Variants in PTPRB observed in about 807,000 individuals in gnomAD.
PTPRB encodes the protein receptor-type tyrosine-protein phosphatase beta.
PTPRB carries 97 observed loss-of-function variants against 238.1 expected under a neutral mutation model. The ratio of observed to expected loss-of-function variants is 0.41; its 90% confidence interval spans 0.35 to 0.48. PTPRB has a LOEUF of 0.48. Ranked by LOEUF, PTPRB falls within the 20% of genes least tolerant of loss-of-function variation. PTPRB has a pLI of 0.30. For missense variants in PTPRB, 2,292 were observed against 2,681.9 expected (o/e 0.85, Z 3.21); for synonymous variants, 970 against 995.4 (o/e 0.97, Z 0.48).
In PTPRB at chr12:70,558,779, T is replaced by A. The variant is rs534154874; in HGVS notation, c.4714+564A>T. On this transcript the variant is annotated intron_variant, in intron 18 of 33. Coordinates refer to ENST00000334414, the MANE Select transcript of PTPRB (RefSeq NM_001109754.4). ...GGCTCCAGTTGGTTCAAAATAAAGTTCAAAGTAGTTACCATGGAATACAAA... is the reference window on the plus strand; with the variant it reads ...GGCTCCAGTTGGTTCAAAATAAAGTACAAAGTAGTTACCATGGAATACAAA... 119 of 158,750 alleles carry A rather than the reference T, an allele frequency of 7.5e-4. 2 individuals carry two copies. In the South Asian group the frequency reaches 0.021, roughly 27 times the overall value. 9.8% of individuals were successfully genotyped at this position (158,750 alleles called of 1,614,324 possible). A position where few individuals can be genotyped will look rare whatever the true frequency, so the allele number is the denominator to read the frequency against.
In PTPRB at chr12:70,609,301, C is replaced by T; in HGVS notation, c.747G>A (p.Leu249=). 6.2e-7 allele frequency: 1 copy of T among 1,614,006 alleles called. No individual in the cohort carries two copies. Among genetic ancestry groups the T allele is most frequent in the South Asian group, 1.1e-5 (1 of 91,082 alleles). ...AATGGCTGGAGGCCTTGGACTCCGC[C>T]AGGGTGAAGTTACATCTCTCTGGCT... ...LAEPERCNFT[L]AESKASSHSV... is the part of the protein sequence containing the mutation. The change falls in exon 4 of 34, where the codon CTG becomes CTA. Residue 249 remains leucine (L), a synonymous_variant. Coordinates refer to ENST00000334414, the MANE Select transcript of PTPRB (RefSeq NM_001109754.4).
At chr12:70,539,163 C>A in intron 26 of PTPRB, 149 bp from the exon 27 acceptor site, 3 of 664,918 alleles carry the variant, frequency 4.5e-6, no homozygotes, top group Non-Finnish European at 7.9e-6. Context: ...TAGCCCTGAT[C>A]CCCACAACAG....
chr12:70,613,931 G>GA (rs1282156807), intron 3 of PTPRB, among the ~76,000 whole-genome samples: 1 of 151,838 alleles, frequency 6.6e-6, no homozygotes, highest in Admixed American at 6.6e-5. Context: ...AAAGAGAAGA[G>GA]AAAAAAGAGG....
intron 9 of PTPRB, chr12:70,584,853 T>A (rs1180523968): frequency 6.6e-6 from 1 of 151,724 alleles, no homozygotes; most frequent in Non-Finnish European, 1.5e-5. Context: ...GGTAGGTAAA[T>A]CTAAACAGAT....
chr12:70,522,870 T>TA (rs1372021206), intron 33 of PTPRB, among the ~76,000 whole-genome samples: 1 of 146,742 alleles, frequency 6.8e-6, no homozygotes, highest in Non-Finnish European at 1.5e-5. Context: ...TTTCTTTTTT[T>TA]TTTTTTTTTT....
chr12:70,576,549 T>C lies in PTPRB; in HGVS notation c.2675A>G (p.Tyr892Cys). Residue 892 changes from tyrosine (Y) to cysteine (C), a missense_variant, in exon 11 of 34, where the codon TAT (tyrosine) becomes TGT (cysteine). Physicochemically the swap from Tyr to Cys is radical, Grantham distance 194 (BLOSUM62 -2). Coordinates refer to ENST00000334414, the MANE Select transcript of PTPRB (RefSeq NM_001109754.4). ...GCCGTCATGAGACAATGTTACCTCA[T>C]AGTTATCCACATCTCCGGGCGCCAG... is the stretch of plus-strand genomic sequence containing the variant. Reference protein sequence around the residue: ...WLLAPGDVDNYEVTLSHDGKV... With the variant: ...WLLAPGDVDNCEVTLSHDGKV... 6.4e-7 allele frequency: 1 copy of C among 1,556,684 alleles called. No individual in the cohort carries two copies.
At chr12:70,599,893 C>T (rs1401060194) in intron 4 of PTPRB, among the ~76,000 whole-genome samples, 1 of 151,498 alleles carries the variant, frequency 6.6e-6, no homozygotes, top group Non-Finnish European at 1.5e-5. Flanking sequence ...TTGCTTGGGT[C>T]CAGGTATTGG....
chr12:70,538,831 A>G, intron 27 of PTPRB, 93 bp downstream of exon 27: 4 of 984,344 alleles, frequency 4.1e-6, no homozygotes, highest in Non-Finnish European at 6.3e-6. Flanking sequence ...ATATCGAGCT[A>G]TATTATATTT....
At position 70,571,990 on chromosome 12, in the gene PTPRB, A is replaced by T; in HGVS notation, c.2940T>A (p.Tyr980Ter). Reference protein sequence around the residue: ...WVHATGDFDHYEVTIKNKNNF... With the variant: ...WVHATGDFDH ...TGTTTTTGTTTTTAATGGTGACTTC[A>T]TAGTGATCAAAGTCTCCAGTGGCAT... Residue 980 changes from tyrosine to a stop codon, truncating the protein, a stop_gained, in exon 12 of 34, where the codon TAT becomes TAA. Transcript: ENST00000334414. LOFTEE classifies it high-confidence loss of function. 1 of 1,613,970 alleles carries T rather than the reference A, an allele frequency of 6.2e-7. No individual in the cohort carries two copies. Among genetic ancestry groups the T allele is most frequent in the Non-Finnish European group, 8.5e-7 (1 of 1,179,848 alleles).
At chr12:70,537,930 C>T (rs1291412974) in intron 28 of PTPRB, 7 of 450,902 alleles carry the variant, frequency 1.6e-5, no homozygotes, top group Non-Finnish European at 2.0e-5. Context: ...TATGAAAATG[C>T]ATCTTGGGCT....
At chr12:70,595,898 A>T in intron 5 of PTPRB, 151 bp downstream of exon 5, 1 of 742,064 alleles carries the variant, frequency 1.3e-6, no homozygotes, top group Non-Finnish European at 2.0e-6. Flanking sequence ...CAGTCTGTCC[A>T]CTGTATCCCA....
intron 2 of PTPRB, among the ~76,000 whole-genome samples, chr12:70,629,209 C>T (rs1885334713): frequency 6.6e-6 from 1 of 152,124 alleles, no homozygotes; most frequent in African/African-American, 2.4e-5. Flanking sequence ...GCGTACTCCT[C>T]AGCAAATGTA....
chr12:70,515,897 A>G lies in PTPRB; in HGVS notation c.*5592T>C, dbSNP rs1191595844. 1.3e-5 allele frequency: 2 copies of G among 151,796 alleles called. No individual in the cohort carries two copies. Among genetic ancestry groups the G allele is most frequent in the African/African-American group, 4.8e-5 (2 of 41,320 alleles). The allele number at this position is 151,796 out of a possible 1,614,324, so 9.4% of individuals were successfully genotyped here. On this transcript the variant is annotated 3_prime_UTR_variant, in exon 34 of 34. Coordinates refer to ENST00000334414, the MANE Select transcript of PTPRB (RefSeq NM_001109754.4). Reference sequence around the variant, plus strand: ...CAACAAACTGCAGTTTTATTCCTGTACTAGTGAGAATGTATGCAAGATGCT... The same window carrying G: ...CAACAAACTGCAGTTTTATTCCTGTGCTAGTGAGAATGTATGCAAGATGCT...
At chr12:70,590,371 G>A in intron 7 of PTPRB, 138 bp from the exon 8 acceptor site, 1 of 840,764 alleles carries the variant, frequency 1.2e-6, no homozygotes. Context: ...TGATGTCTGT[G>A]GATTGCAAAT....
At chr12:70,524,971 A>ATGTGTG (rs555775169) in intron 32 of PTPRB, among the ~76,000 whole-genome samples, 2 of 142,750 alleles carry the variant, frequency 1.4e-5, no homozygotes, top group Non-Finnish European at 1.5e-5. Context: ...ATGTGTATAT[A>ATGTGTG]TGTGTGTGTG....
In PTPRB at chr12:70,596,251, A is replaced by C; in HGVS notation, c.1056T>G (p.Pro352=). The stretch of plus-strand genomic sequence containing the variant: ...CATATGAGGTGACTTTTCCGGAAGA[A>C]GGAGTCCACCAAACATGCAAGCTGG... ...TSTSLHVWWT[P]SSGKVTSYEV... is the part of the protein sequence containing the mutation. Residue 352 remains proline (P), a synonymous_variant, in exon 5 of 34, where the codon CCT becomes CCG. Transcript: ENST00000334414. 1 of 1,613,432 alleles carries C rather than the reference A, an allele frequency of 6.2e-7. No homozygotes were observed.
intron 2 of PTPRB, among the ~76,000 whole-genome samples, chr12:70,623,924 T>C (rs1412801115): frequency 6.6e-6 from 1 of 152,078 alleles, no homozygotes; most frequent in African/African-American, 2.4e-5. Context: ...ATAATGGATG[T>C]AAAGAGGAGG....
In PTPRB at chr12:70,552,896, G is replaced by A; in HGVS notation, c.5268C>T (p.Asn1756=). The A allele has an allele frequency of 1.9e-6, 3 of 1,613,950 alleles. No homozygotes were observed. Residue 1756 remains asparagine, a synonymous_variant, in exon 21 of 34, where the codon AAC becomes AAT. Coordinates refer to ENST00000334414, the MANE Select transcript of PTPRB (RefSeq NM_001109754.4). Reference sequence around the variant, plus strand: ...TAATGTTAAAACTCTTGGAGTTGCTGTTAGGATTTTCGGCACATTTGCTGG... The same window carrying A: ...TAATGTTAAAACTCTTGGAGTTGCTATTAGGATTTTCGGCACATTTGCTGG... ...YFASKCAENP[N]SNSKSFNIKL... is the part of the protein sequence containing the mutation.
chr12:70,533,247 T>C (rs1873568096), intron 31 of PTPRB, among the ~76,000 whole-genome samples: 1 of 152,138 alleles, frequency 6.6e-6, no homozygotes, highest in African/African-American at 2.4e-5. Flanking sequence ...CCTGCCATTT[T>C]TCAAAAAGCA....
Sources: gnomAD v4.1 joint callset for allele counts (sites outside exome capture counted in the v4.1 genomes callset) on GRCh38, gnomAD v4.1.1 for gene constraint, MANE v1.5 for transcripts, NCBI Gene and HGNC (gene_info 2026-07-23, HGNC 2026-07-21) for gene names.